Variants in UBE3C observed in about 807,000 individuals in gnomAD.
The protein encoded by UBE3C is ubiquitin protein ligase E3C.
In UBE3C, 42 loss-of-function variants were observed where a neutral mutation model predicts 129.4. That is an observed-to-expected ratio of 0.32 (90% confidence interval 0.25 to 0.42). The LOEUF (loss-of-function observed/expected upper bound fraction) is 0.42, where lower values mean the gene tolerates loss of function less well. Ranked by LOEUF, UBE3C falls within the 10% of genes least tolerant of loss-of-function variation. The pLI is 1.00. For missense variants in UBE3C, 1,049 were observed against 1,319.1 expected, an observed-to-expected ratio of 0.80 and a Z score of 3.17; for synonymous variants, 510 against 492.4, an observed-to-expected ratio of 1.04 and a Z score of -0.47.
chr7:157,182,613 C>T (rs1378514704), intron 8 of UBE3C, among the ~76,000 whole-genome samples: 1 of 152,192 alleles, frequency 6.6e-6, no homozygotes, highest in Non-Finnish European at 1.5e-5. Context: ...GCCTGTTTCC[C>T]TCCCTCTGCT....
intron 13 of UBE3C, among the ~76,000 whole-genome samples, chr7:157,209,741 A>G (rs1809537910): frequency 6.6e-6 from 1 of 152,182 alleles, no homozygotes; most frequent in South Asian, 2.1e-4. Flanking sequence ...GTATGTAGAA[A>G]TCTCTGAACT....
chr7:157,197,688 G>A, intron 10 of UBE3C: 1 of 1,609,146 alleles, frequency 6.2e-7, no homozygotes, highest in East Asian at 2.2e-5. Context: ...ATTCGGAAAT[G>A]AAGTCACAAG....
In UBE3C at chr7:157,266,277, G is replaced by A. The variant is rs1484613918; in HGVS notation, c.3082-1308G>A. 2.0e-5 allele frequency among the ~76,000 whole-genome samples: 3 copies of A among 152,166 alleles called. No homozygotes were observed. In the East Asian group the frequency reaches 5.8e-4, roughly 29 times the overall value. Reference sequence around the variant, plus strand: ...TGCAGTAAGCCGAGATTGCACCACTGCACTCCAGCCTGGGTGACAGAGCAA... The same window carrying A: ...TGCAGTAAGCCGAGATTGCACCACTACACTCCAGCCTGGGTGACAGAGCAA... On this transcript the variant is annotated intron_variant, in intron 22 of 22. Transcript: ENST00000348165.
chr7:157,193,962 A>C (rs1045514581), intron 10 of UBE3C, among the ~76,000 whole-genome samples: 3 of 152,190 alleles, frequency 2.0e-5, no homozygotes, highest in African/African-American at 7.2e-5. Context: ...CAAAAATGGC[A>C]GTTGTTTTTG....
intron 22 of UBE3C, among the ~76,000 whole-genome samples, chr7:157,260,216 T>C (rs1345053985): frequency 6.6e-6 from 1 of 151,520 alleles, no homozygotes; most frequent in East Asian, 1.9e-4. Context: ...AATCGTAAAA[T>C]AGAAAACATA....
At chr7:157,201,887 T>A (rs1809296036) in intron 11 of UBE3C, 80 bp downstream of exon 11, 2 of 1,180,734 alleles carry the variant, frequency 1.7e-6, no homozygotes, top group Admixed American at 2.0e-5. Context: ...CCAGAACCTG[T>A]TTTTAAGTCC....
chr7:157,175,136 A>AATTTTTTTTTTT, intron 5 of UBE3C, 102 bp downstream of exon 5: 13 of 372,664 alleles, frequency 3.5e-5, no homozygotes, highest in African/African-American at 1.8e-4. Flanking sequence ...GCTTTTCCAT[A>AATTTTTTTTTTT]CTTTTTTTTT....
chr7:157,231,358 C>G (rs367856558), intron 18 of UBE3C, 31 bp downstream of exon 18: 1 of 1,605,828 alleles, frequency 6.2e-7, no homozygotes, highest in African/African-American at 1.3e-5. Flanking sequence ...AAATAGACCT[C>G]GGACCAAAAG....
chr7:157,140,037 G>A (rs1295742288), intron 1 of UBE3C: 1 of 985,264 alleles, frequency 1.0e-6, no homozygotes, highest in African/African-American at 1.7e-5. Context: ...TTAGGATAAG[G>A]GTAGGCAAAC....
chr7:157,267,491 T>A, intron 22 of UBE3C, 94 bp from the exon 23 acceptor site: 2 of 1,434,912 alleles, frequency 1.4e-6, no homozygotes, highest in Non-Finnish European at 1.9e-6. Flanking sequence ...GTAACTTTAC[T>A]GATTGGAGCA....
chr7:157,225,238 T>C (rs2116623857), intron 16 of UBE3C, among the ~76,000 whole-genome samples, 169 bp from the exon 17 acceptor site: 1 of 152,324 alleles, frequency 6.6e-6, no homozygotes, highest in South Asian at 2.1e-4. Context: ...ATATACATTA[T>C]ATATTATCTA....
chr7:157,254,237 T>C lies in UBE3C; in HGVS notation c.2884-7T>C. 6.2e-7 allele frequency: 1 copy of C among 1,611,670 alleles called. No individual in the cohort carries two copies. Among genetic ancestry groups the C allele is most frequent in the Middle Eastern group, 1.7e-4 (1 of 6,044 alleles). On this transcript the variant is annotated splice_region_variant and splice_polypyrimidine_tract_variant and intron_variant, in intron 20 of 22. Coordinates refer to ENST00000348165, the MANE Select transcript of UBE3C (RefSeq NM_014671.3). ...TCAAATGTTATTATTTGAACTTTTT[T>C]CCTTAGGTATTAATTTCTGGTGCAC...
chr7:157,231,987 C>A (rs926128447), intron 18 of UBE3C, among the ~76,000 whole-genome samples: 2 of 152,122 alleles, frequency 1.3e-5, no homozygotes, highest in African/African-American at 4.8e-5. Flanking sequence ...AGTCCAAACT[C>A]AGGGTGTCAG....
intron 1 of UBE3C, among the ~76,000 whole-genome samples, chr7:157,151,744 G>A (rs960514229): frequency 8.5e-5 from 13 of 152,146 alleles, no homozygotes; most frequent in Admixed American, 8.5e-4. Context: ...GAGAGAAGAG[G>A]GGGCTATGCA....
At chr7:157,215,943 A>G (rs1795555455) in intron 13 of UBE3C, among the ~76,000 whole-genome samples, 1 of 152,172 alleles carries the variant, frequency 6.6e-6, no homozygotes, top group Admixed American at 6.5e-5. Context: ...GGCTAGTTGG[A>G]TTCTATTTGT....
At chr7:157,227,075 ATTGT>A (rs1348794466) in intron 17 of UBE3C, among the ~76,000 whole-genome samples, 3 of 152,120 alleles carry the variant, frequency 2.0e-5, no homozygotes, top group African/African-American at 4.8e-5. Context: ...TTGGGATGGA[ATTGT>A]TTATTTGGTG....
At chr7:157,209,602 C>T (rs1183897575) in intron 13 of UBE3C, among the ~76,000 whole-genome samples, 2 of 152,066 alleles carry the variant, frequency 1.3e-5, no homozygotes, top group Non-Finnish European at 2.9e-5. Context: ...TTTGATTAAA[C>T]CCTGGGGTCT....
intron 9 of UBE3C, among the ~76,000 whole-genome samples, chr7:157,186,059 A>AT (rs1332232124): frequency 2.6e-5 from 4 of 152,168 alleles, no homozygotes; most frequent in Non-Finnish European, 5.9e-5. Context: ...GGCTTGGGTT[A>AT]TATTCAGTGA....
chr7:157,220,796 G>A lies in UBE3C; in HGVS notation c.2002+20G>A. The stretch of plus-strand genomic sequence containing the variant: ...TGGACGGTGAGTTCTCTAGGACACA[G>A]GGTTACTGAGGTATGAATTACATGC... On this transcript the variant is annotated intron_variant, in intron 15 of 22. Coordinates refer to ENST00000348165, the MANE Select transcript of UBE3C (RefSeq NM_014671.3). 10 of 1,612,770 alleles carry A rather than the reference G, an allele frequency of 6.2e-6. No homozygotes were observed. The highest frequency in any genetic ancestry group is 8.5e-6 in the Non-Finnish European group (10 of 1,179,132).
Sources: gnomAD v4.1 joint callset for allele counts (sites outside exome capture counted in the v4.1 genomes callset) on GRCh38, gnomAD v4.1.1 for gene constraint, MANE v1.5 for transcripts, NCBI Gene and HGNC (gene_info 2026-07-23, HGNC 2026-07-21) for gene names.